DENND1A: variants seen among roughly 807,000 people sequenced by gnomAD.
DENND1A encodes DENN domain containing 1A, also known as DENN domain-containing protein 1A.
In DENND1A, 51 loss-of-function variants were observed where a neutral mutation model predicts 113.7. The observed-to-expected ratio is 0.45, with a 90% CI of 0.36 to 0.57. The LOEUF (loss-of-function observed/expected upper bound fraction) is 0.57. Among genes scored for constraint, DENND1A ranks in the 20% least tolerant of loss-of-function variants. The pLI is 0.00. For missense variants in DENND1A, 1,258 were observed against 1,395.9 expected, an observed-to-expected ratio of 0.90 and a Z score of 1.57; for synonymous variants, 565 against 570.8, an observed-to-expected ratio of 0.99 and a Z score of 0.14.
intron 11 of DENND1A, among the ~76,000 whole-genome samples, chr9:123,595,752 T>C (rs1023498787): frequency 2.0e-5 from 3 of 152,124 alleles, no homozygotes; most frequent in Non-Finnish European, 2.9e-5. Flanking sequence ...GGGGAGACAC[T>C]GGGAACACAT....
intron 13 of DENND1A, among the ~76,000 whole-genome samples, chr9:123,547,830 T>C (rs1242098272): frequency 6.6e-6 from 1 of 152,216 alleles, no homozygotes. Flanking sequence ...TGGACACCAC[T>C]ATTCTAGAAT....
chr9:123,580,976 C>T (rs1486798671), intron 12 of DENND1A, among the ~76,000 whole-genome samples: 1 of 152,166 alleles, frequency 6.6e-6, no homozygotes, highest in Non-Finnish European at 1.5e-5. Context: ...CTGAGGTTCT[C>T]TCCTCTCTGT....
At chr9:123,391,761 GAA>G (rs5900572) in intron 21 of DENND1A, among the ~76,000 whole-genome samples, 3,376 of 110,340 alleles carry the variant, frequency 0.031, 204 homozygotes, top group East Asian at 0.21. Flanking sequence ...GGCAGAATAT[GAA>G]AAAAAAAAAA....
intron 11 of DENND1A, among the ~76,000 whole-genome samples, chr9:123,594,998 TC>T (rs2059619634): frequency 6.6e-6 from 1 of 152,138 alleles, no homozygotes; most frequent in East Asian, 1.9e-4. Context: ...TTCCTTCCCT[TC>T]CTCAGGCCCC....
At chr9:123,430,972 T>C (rs565813457) in intron 19 of DENND1A, among the ~76,000 whole-genome samples, 9 of 152,218 alleles carry the variant, frequency 5.9e-5, no homozygotes, top group African/African-American at 2.2e-4. Context: ...CACTGCACTC[T>C]AGCCTGGGTG....
chr9:123,568,882 T>C (rs1400210845), intron 12 of DENND1A, among the ~76,000 whole-genome samples: 1 of 152,218 alleles, frequency 6.6e-6, no homozygotes, highest in Non-Finnish European at 1.5e-5. Context: ...ATGAACAACT[T>C]GATCCACTTA....
intron 2 of DENND1A, among the ~76,000 whole-genome samples, chr9:123,827,865 C>A (rs930848808): frequency 9.9e-5 from 15 of 152,154 alleles, no homozygotes; most frequent in African/African-American, 3.6e-4. Flanking sequence ...GGGGATGAGA[C>A]AATTGCTAGC....
chr9:123,674,842 T>TC lies in DENND1A; in HGVS notation c.372+1877_372+1878insG. ...CTTTGTTTTGCTGAGTTTTTTTCTC[T>TC]TTTTTTTTTTTTTTTGGACTGGAAC... On this transcript the variant is annotated intron_variant, in intron 6 of 23. Coordinates refer to ENST00000394215, the MANE Select transcript of DENND1A (RefSeq NM_001352964.2). Among the ~76,000 whole-genome samples, 6 of 41,676 alleles carry TC rather than the reference T, an allele frequency of 1.4e-4. No individual in the cohort carries two copies. The African/African-American group carries it at 2.5e-3, about 17-fold the overall frequency. The allele number at this position is 41,676 out of a possible 152,430, so 27.3% of individuals were successfully genotyped here.
intron 5 of DENND1A, among the ~76,000 whole-genome samples, chr9:123,695,123 C>A (rs755177694): frequency 6.6e-6 from 1 of 152,082 alleles, no homozygotes. Context: ...AGTTTTGGGA[C>A]TCGGACTGGC....
chr9:123,601,986 GGAT>G (rs1334913635), intron 11 of DENND1A, among the ~76,000 whole-genome samples: 2 of 152,212 alleles, frequency 1.3e-5, no homozygotes, highest in African/African-American at 4.8e-5. Context: ...CCCAGGACTG[GGAT>G]GGCACAGGCA....
chr9:123,464,994 C>CAAAAAAAA (rs10655282), intron 13 of DENND1A, among the ~76,000 whole-genome samples: 673 of 70,468 alleles, frequency 9.6e-3, no homozygotes, highest in Non-Finnish European at 0.01. Context: ...ACTAAAAATA[C>CAAAAAAAA]AAAAAAAAAA....
intron 13 of DENND1A, among the ~76,000 whole-genome samples, chr9:123,526,604 C>G (rs2054870272): frequency 6.6e-6 from 1 of 152,218 alleles, no homozygotes; most frequent in Non-Finnish European, 1.5e-5. Flanking sequence ...CACCCAAGAT[C>G]CCCAAGACTT....
At chr9:123,806,057 G>T (rs1835500431) in intron 2 of DENND1A, among the ~76,000 whole-genome samples, 1 of 151,968 alleles carries the variant, frequency 6.6e-6, no homozygotes, top group Non-Finnish European at 1.5e-5. Flanking sequence ...AGGTTCAAGT[G>T]ATTCTCCTGC....
intron 5 of DENND1A, among the ~76,000 whole-genome samples, chr9:123,701,959 G>A (rs758272308): frequency 6.6e-6 from 1 of 152,146 alleles, no homozygotes; most frequent in East Asian, 1.9e-4. Context: ...ACAAAATGAG[G>A]TACTAGTGAC....
intron 12 of DENND1A, among the ~76,000 whole-genome samples, chr9:123,578,741 A>G (rs534424261): frequency 6.6e-6 from 1 of 152,226 alleles, no homozygotes; most frequent in South Asian, 2.1e-4. Context: ...GGAAATGGGC[A>G]ATAAATCAGT....
At chr9:123,827,713 T>C (rs1839576077) in intron 2 of DENND1A, among the ~76,000 whole-genome samples, 1 of 152,094 alleles carries the variant, frequency 6.6e-6, no homozygotes, top group Non-Finnish European at 1.5e-5. Context: ...GAGGTCCCAG[T>C]AAGTGCTTTA....
intron 9 of DENND1A, among the ~76,000 whole-genome samples, chr9:123,651,500 A>G (rs1401420744): frequency 6.6e-6 from 1 of 152,252 alleles, no homozygotes; most frequent in Non-Finnish European, 1.5e-5. Flanking sequence ...GTAAACAAGC[A>G]CCGCCTGTTT....
intron 5 of DENND1A, among the ~76,000 whole-genome samples, chr9:123,684,290 CCAAA>C (rs1385103796): frequency 6.6e-6 from 1 of 152,118 alleles, no homozygotes; most frequent in Non-Finnish European, 1.5e-5. Context: ...CCAGTCTGCT[CCAAA>C]CATTTTTCCT....
At chr9:123,739,513 T>C (rs1564173015) in intron 5 of DENND1A, among the ~76,000 whole-genome samples, 1 of 152,078 alleles carries the variant, frequency 6.6e-6, no homozygotes, top group South Asian at 2.1e-4. Context: ...AGAAAAGAAA[T>C]GCGGTAACCA....
Sources: gnomAD v4.1 joint callset for allele counts (sites outside exome capture counted in the v4.1 genomes callset) on GRCh38, gnomAD v4.1.1 for gene constraint, MANE v1.5 for transcripts, NCBI Gene and HGNC (gene_info 2026-07-23, HGNC 2026-07-21) for gene names.